Variants in COL14A1 observed in about 807,000 individuals in gnomAD.
COL14A1 encodes the protein collagen alpha-1(XIV) chain.
COL14A1 carries 136 observed loss-of-function variants against 230.3 expected under a neutral mutation model. The ratio of observed to expected loss-of-function variants is 0.59; its 90% CI spans 0.51 to 0.68. The LOEUF (loss-of-function observed/expected upper bound fraction) is 0.68. Among genes scored for constraint, COL14A1 ranks in the 30% least tolerant of loss-of-function variants. The pLI is 0.00. For synonymous variants in COL14A1, 792 were observed against 784.1 expected (o/e 1.01, Z -0.17); for missense variants, 1,976 against 2,215.8 (o/e 0.89, Z 2.17).
At chr8:120,159,329 G>A (rs1404459323) in intron 3 of COL14A1, among the ~76,000 whole-genome samples, 4 of 152,120 alleles carry the variant, frequency 2.6e-5, no homozygotes, top group Non-Finnish European at 4.4e-5. Flanking sequence ...CATATAGTAA[G>A]TGCTCAGTAA....
At chr8:120,132,102 C>A (rs557275629) in intron 1 of COL14A1, among the ~76,000 whole-genome samples, 3 of 151,992 alleles carry the variant, frequency 2.0e-5, no homozygotes, top group African/African-American at 4.8e-5. Context: ...CCCGCTTTGG[C>A]CTCCCAAAGT....
chr8:120,176,555 A>T (rs969914012), intron 5 of COL14A1, among the ~76,000 whole-genome samples: 1 of 152,204 alleles, frequency 6.6e-6, no homozygotes, highest in African/African-American at 2.4e-5. Flanking sequence ...CAAACCCAGG[A>T]CTGTGAGTTC....
intron 5 of COL14A1, among the ~76,000 whole-genome samples, chr8:120,176,860 C>A (rs1387827256): frequency 1.3e-5 from 2 of 152,158 alleles, no homozygotes; most frequent in African/African-American, 4.8e-5. Context: ...CTTTCCTTTT[C>A]TTCCTCCCAC....
chr8:120,341,179 T>G, intron 42 of COL14A1, 146 bp from the exon 43 acceptor site: 1 of 770,002 alleles, frequency 1.3e-6, no homozygotes, highest in East Asian at 2.7e-5. Flanking sequence ...TGGTTGCTGT[T>G]TATTTTCTGT....
Position 120,125,135 on chromosome 8 carries a change from G to T in COL14A1, c.-243G>T, listed in dbSNP as rs751187365. ...CTGATCCTGGGCTCCCAGCTGGAGAGGCGGAGGCAGCTCCAGGGGGCTGGA... is the reference window on the plus strand; with the variant it reads ...CTGATCCTGGGCTCCCAGCTGGAGATGCGGAGGCAGCTCCAGGGGGCTGGA... On this transcript the variant is annotated 5_prime_UTR_variant, in exon 1 of 48. It adds an upstream start codon to the 5' untranslated region. Transcript: ENST00000297848. 16 of 152,520 alleles carry T rather than the reference G, an allele frequency of 1.0e-4. No homozygotes were observed. The highest frequency in any genetic ancestry group is 2.3e-4 in the Non-Finnish European group (16 of 68,278). 9.4% of individuals were successfully genotyped at this position (152,520 alleles called of 1,614,324 possible). A position where few individuals can be genotyped will look rare whatever the true frequency, so the allele number is the denominator to read the frequency against.
chr8:120,262,690 C>T (rs1233348176), intron 23 of COL14A1, among the ~76,000 whole-genome samples, 178 bp from the exon 24 acceptor site: 1 of 151,954 alleles, frequency 6.6e-6, no homozygotes, highest in Admixed American at 6.6e-5. Flanking sequence ...AGAAAAATAC[C>T]AGTGAATATA....
At chr8:120,158,863 C>T (rs141537506) in intron 3 of COL14A1, among the ~76,000 whole-genome samples, 2,861 of 152,128 alleles carry the variant, frequency 0.019, 95 homozygotes, top group African/African-American at 0.064. Context: ...TTTTCTTTCT[C>T]ATATTTTATG....
chr8:120,278,096 AC>A lies in COL14A1; in HGVS notation c.3214-13del. 6.3e-7 allele frequency: 1 copy of A among 1,594,152 alleles called. No homozygotes were observed. Among genetic ancestry groups the A allele is most frequent in the Non-Finnish European group, 8.5e-7 (1 of 1,172,258 alleles). On this transcript the variant is annotated splice_polypyrimidine_tract_variant and intron_variant, in intron 26 of 47. Transcript: ENST00000297848. ...TCTACATATGTGTGAAAATGAATAC[AC>A]CTTCTCTCTCCAGGTTGCAATGGTT...
At chr8:120,206,054 C>A (rs1037552569) in intron 9 of COL14A1, among the ~76,000 whole-genome samples, 1 of 152,020 alleles carries the variant, frequency 6.6e-6, no homozygotes, top group Non-Finnish European at 1.5e-5. Flanking sequence ...GTTGCTTTTT[C>A]TTTTTTTAAA....
chr8:120,144,741 T>C (rs1815030866), intron 1 of COL14A1, among the ~76,000 whole-genome samples: 1 of 152,120 alleles, frequency 6.6e-6, no homozygotes, highest in Non-Finnish European at 1.5e-5. Flanking sequence ...GTAGCAAGAA[T>C]TCAGAATGGT....
intron 4 of COL14A1, among the ~76,000 whole-genome samples, 154 bp downstream of exon 4, chr8:120,162,723 T>C (rs546677858): frequency 1.3e-5 from 2 of 152,346 alleles, no homozygotes; most frequent in South Asian, 4.1e-4. Context: ...CGAATTCCTC[T>C]GATCTCTAAT....
chr8:120,373,364 A>G lies in COL14A1; in HGVS notation c.*2133A>G, dbSNP rs1439659537. On this transcript the variant is annotated 3_prime_UTR_variant, in exon 48 of 48. Coordinates refer to ENST00000297848, the MANE Select transcript of COL14A1 (RefSeq NM_021110.4). ...GAATGTGTCATCACTTGGACCCAGT[A>G]TATCAGATTTTTATTGAGTAAAATG... Among the ~76,000 whole-genome samples the G allele has an allele frequency of 6.6e-6, 1 of 152,212 alleles. No individual in the cohort carries two copies. The highest frequency in any genetic ancestry group is 6.5e-5 in the Admixed American group (1 of 15,270).
At position 120,283,687 on chromosome 8, in the gene COL14A1, C is replaced by T. The variant is rs769023466; in HGVS notation, c.3876C>T (p.Phe1292=). ...LPSDYTISFL[F]RILPDTPQEP... is the part of the protein sequence containing the mutation. The stretch of plus-strand genomic sequence containing the variant: ...CCGACTACACAATCAGTTTTCTATT[C>T]CGGATTCTTCCTGACACTCCACAGG... The change falls in exon 32 of 48, where the codon TTC becomes TTT. Residue 1292 remains phenylalanine, a synonymous_variant. Transcript: ENST00000297848. The T allele has an allele frequency of 3.1e-6, 5 of 1,613,782 alleles. No individual in the cohort carries two copies. Among genetic ancestry groups the T allele is most frequent in the Non-Finnish European group, 4.2e-6 (5 of 1,179,872 alleles).
At position 120,203,692 on chromosome 8, in the gene COL14A1, T is replaced by G. The variant is rs187576217; in HGVS notation, c.878-17T>G. The G allele has an allele frequency of 1.8e-4, 298 of 1,612,644 alleles. 1 individual carries two copies. The African/African-American group carries it at 3.6e-3, about 19-fold the overall frequency. The stretch of plus-strand genomic sequence containing the variant: ...GGGCATAAAAGTCACCATTCTCTTT[T>G]TTGTCCTCTGTGTAAGGGGTGAAAA... On this transcript the variant is annotated splice_polypyrimidine_tract_variant and intron_variant, in intron 8 of 47. Transcript: ENST00000297848.
At position 120,212,510 on chromosome 8, in the gene COL14A1, C is replaced by T; in HGVS notation, c.1530C>T (p.Tyr510=). The change falls in exon 13 of 48, where the codon TAC becomes TAT. Residue 510 remains tyrosine (Y), a synonymous_variant. Transcript: ENST00000297848. ...GTGGGTTGTTGCCCAATACAGAATA[C>T]ACAGTCACAGTTTATGCCATGTTTG... ...ELSGLLPNTE[Y]TVTVYAMFGE... is the part of the protein sequence containing the mutation. 1 of 1,613,628 alleles carries T rather than the reference C, an allele frequency of 6.2e-7. No individual in the cohort carries two copies.
intron 5 of COL14A1, among the ~76,000 whole-genome samples, chr8:120,183,388 C>A (rs914050830): frequency 6.6e-6 from 1 of 152,138 alleles, no homozygotes; most frequent in Admixed American, 6.6e-5. Context: ...GGCTCCTGAG[C>A]CATTTCTTCA....
chr8:120,195,465 G>A (rs1817003295), intron 5 of COL14A1, among the ~76,000 whole-genome samples: 1 of 152,128 alleles, frequency 6.6e-6, no homozygotes, highest in South Asian at 2.1e-4. Flanking sequence ...TGGAAGCACA[G>A]ACCAGAGTTC....
In COL14A1 at chr8:120,367,142, TAAACATTTTTAAA is replaced by T; in HGVS notation, c.5078-26_5078-14del. 1 of 1,528,510 alleles carries T rather than the reference TAAACATTTTTAAA, an allele frequency of 6.5e-7. No homozygotes were observed. The highest frequency in any genetic ancestry group is 8.8e-7 in the Non-Finnish European group (1 of 1,136,228). 94.7% of individuals were successfully genotyped at this position (1,528,510 alleles called of 1,614,324 possible). A position where few individuals can be genotyped will look rare whatever the true frequency, so the allele number is the denominator to read the frequency against. ...CAAGATTTTCTTTTAAAAAGAACTT[TAAACATTTTTAAA>T]AATTATTTTAAACAGGTCTAACTGG... is the stretch of plus-strand genomic sequence containing the variant. On this transcript the variant is annotated splice_polypyrimidine_tract_variant and intron_variant, in intron 45 of 47. Transcript: ENST00000297848.
intron 24 of COL14A1, among the ~76,000 whole-genome samples, chr8:120,264,456 C>T (rs1819444115): frequency 6.6e-6 from 1 of 152,140 alleles, no homozygotes. Flanking sequence ...GATTCAGCAT[C>T]TCTGAGCTTT....
Sources: gnomAD v4.1 joint callset for allele counts (sites outside exome capture counted in the v4.1 genomes callset) on GRCh38, gnomAD v4.1.1 for gene constraint, MANE v1.5 for transcripts, NCBI Gene and HGNC (gene_info 2026-07-23, HGNC 2026-07-21) for gene names.